The following CLK2 variants were observed in gnomAD, a reference collection of about 807,000 sequenced individuals.
CLK2 encodes dual specificity protein kinase CLK2.
In CLK2, 12 loss-of-function variants were observed where a neutral mutation model predicts 73.5. The observed-to-expected ratio is 0.16, with a 90% CI of 0.10 to 0.26. CLK2 has a LOEUF of 0.26. Among genes scored for constraint, CLK2 ranks in the 10% least tolerant of loss-of-function variants. The probability of loss-of-function intolerance (pLI) is 1.00; values close to 1 mark genes in which losing one functional copy is unlikely to be tolerated. For missense variants in CLK2, 509 were observed against 688.4 expected, an observed-to-expected ratio of 0.74 and a Z score of 2.92; for synonymous variants, 232 against 237.9, an observed-to-expected ratio of 0.98 and a Z score of 0.23.
chr1:155,268,189 G>T lies in CLK2; in HGVS notation c.555-63C>A. ...AGAATGTCTCAAAATGAACAGGGCT[G>T]TAGGGGGACTAAGAAATTCTACCTC... On this transcript the variant is annotated intron_variant, in intron 5 of 12. Transcript: ENST00000368361. This position sits in a 1 kb window ranked among gnomAD's most constrained non-coding sequence, Gnocchi z 5.6. The T allele has an allele frequency of 6.4e-7, 1 of 1,557,174 alleles. No individual in the cohort carries two copies. The highest frequency in any genetic ancestry group is 8.9e-7 in the Non-Finnish European group (1 of 1,128,372).
At chr1:155,270,658 AG>A (rs1206596199) in intron 2 of CLK2, 149 bp downstream of exon 2, 13 of 860,438 alleles carry the variant, frequency 1.5e-5, no homozygotes, top group Non-Finnish European at 2.2e-5. Context: ...TTAACACTGC[AG>A]CCCAAATGGC....
chr1:155,267,972 G>A lies in CLK2; in HGVS notation c.671+38C>T, dbSNP rs774523875. The stretch of plus-strand genomic sequence containing the variant: ...GAAGTCTCTCCCGTGTAGGGGTTGG[G>A]GCTCTCAGCCTCCCTACATACTTCC... On this transcript the variant is annotated intron_variant, in intron 6 of 12. Transcript: ENST00000368361. 8 of 1,453,204 alleles carry A rather than the reference G, an allele frequency of 5.5e-6. No homozygotes were observed. The South Asian group carries it at 9.1e-5, about 17-fold the overall frequency. 90.0% of individuals were successfully genotyped at this position (1,453,204 alleles called of 1,614,324 possible). A position where few individuals can be genotyped will look rare whatever the true frequency, so the allele number is the denominator to read the frequency against.
intron 8 of CLK2, among the ~76,000 whole-genome samples, chr1:155,265,024 A>C (rs992108768): frequency 6.6e-6 from 1 of 152,158 alleles, no homozygotes; most frequent in African/African-American, 2.4e-5. Context: ...ACTACACTCA[A>C]GTGCCAGATA....
In CLK2 at chr1:155,268,155, G is replaced by C; in HGVS notation, c.555-29C>G. 1 of 1,594,636 alleles carries C rather than the reference G, an allele frequency of 6.3e-7. No homozygotes were observed. Among genetic ancestry groups the C allele is most frequent in the Non-Finnish European group, 8.6e-7 (1 of 1,162,250 alleles). ...TAAGTTGGCAGGAGAGGCTTTTGCT[G>C]GGTTCTCAAGAATGTCTCAAAATGA... On this transcript the variant is annotated intron_variant, in intron 5 of 12. Transcript: ENST00000368361. This position sits in a 1 kb window ranked among gnomAD's most constrained non-coding sequence, Gnocchi z 5.6.
rs377306413 is a variant in CLK2, at chr1:155,270,968, G to A, written c.10C>T (p.Pro4Ser). 119 of 1,608,906 alleles carry A rather than the reference G, an allele frequency of 7.4e-5. No individual in the cohort carries two copies. The highest frequency in any genetic ancestry group is 8.8e-5 in the Non-Finnish European group (103 of 1,175,598). Residue 4 changes from proline to serine, a missense_variant, in exon 2 of 13, where the codon CCT (proline) becomes TCT (serine). By Grantham distance (74) the Pro-to-Ser change is moderately conservative. Coordinates refer to ENST00000368361, the MANE Select transcript of CLK2 (RefSeq NM_001294338.2). MPH[P>S]RRYHSSERGS... ...CGCTCTGAGGAGTGGTACCTTCGAG[G>A]ATGCGGCATCTGGAAGGCAAGGGAA...
intron 10 of CLK2, 71 bp downstream of exon 10, chr1:155,264,397 G>C: frequency 6.3e-7 from 1 of 1,594,622 alleles, no homozygotes; most frequent in Non-Finnish European, 8.6e-7. Flanking sequence ...GAGTAGGCAG[G>C]TCCTCAGCAG....
rs201785372 is a variant in CLK2 at position 155,264,049 on chromosome 1, G to A, written c.1227-9C>T. ...AAAAATATTTCTGCTTTCTAGAGGGGAAGGGGAGGTTGAGGAATCAGAAGG... is the reference window on the plus strand; with the variant it reads ...AAAAATATTTCTGCTTTCTAGAGGGAAAGGGGAGGTTGAGGAATCAGAAGG... On this transcript the variant is annotated splice_polypyrimidine_tract_variant and intron_variant, in intron 11 of 12. Transcript: ENST00000368361. 5.0e-6 allele frequency: 8 copies of A among 1,610,898 alleles called. No homozygotes were observed. The highest frequency in any genetic ancestry group is 6.8e-6 in the Non-Finnish European group (8 of 1,177,170).
Position 155,263,993 on chromosome 1 carries a change from G to A in CLK2, c.1274C>T (p.Thr425Ile). ...CTCACGAACATAGCGCCCAGCTGAT[G>A]TGTTCTCATCCCAATCCAGGCGACC... is the stretch of plus-strand genomic sequence containing the variant. Reference protein sequence around the residue: ...YRGRLDWDENTSAGRYVRENC... With the variant: ...YRGRLDWDENISAGRYVRENC... The change falls in exon 12 of 13, where the codon ACA becomes ATA. Residue 425 changes from threonine to isoleucine, a missense_variant. By Grantham distance (89) the Thr-to-Ile change is moderately conservative. Transcript: ENST00000368361. The A allele has an allele frequency of 6.2e-7, 1 of 1,614,192 alleles. No homozygotes were observed. Among genetic ancestry groups the A allele is most frequent in the Non-Finnish European group, 8.5e-7 (1 of 1,180,036 alleles).
At chr1:155,264,123 G>T (rs190033484) in intron 11 of CLK2, 83 bp from the exon 12 acceptor site, 8 of 1,546,760 alleles carry the variant, frequency 5.2e-6, no homozygotes, top group Admixed American at 5.0e-5. Context: ...GTAACTGGGG[G>T]GAGAGGAGGT....
At chr1:155,263,892 C>T in intron 12 of CLK2, 58 bp downstream of exon 12, 2 of 1,544,432 alleles carry the variant, frequency 1.3e-6, no homozygotes. Context: ...GGGCAAACCA[C>T]CCTAAGAAGG....
intron 7 of CLK2, among the ~76,000 whole-genome samples, chr1:155,266,253 CTG>C (rs1238885635): frequency 6.6e-6 from 1 of 152,044 alleles, no homozygotes; most frequent in Non-Finnish European, 1.5e-5. Context: ...TTCTGTGAAA[CTG>C]TATTATTTTG....
At position 155,263,956 on chromosome 1, in the gene CLK2, C is replaced by T. The variant is rs370320319; in HGVS notation, c.1311G>A (p.Pro437=). 4 of 1,613,782 alleles carry T rather than the reference C, an allele frequency of 2.5e-6. No homozygotes were observed. Among genetic ancestry groups the T allele is most frequent in the African/African-American group, 1.3e-5 (1 of 74,908 alleles). ...TATCCCGAGCCCAGCTCACCCGCAGCGGTTTGCAGTTCTCACGAACATAGC... is the reference window on the plus strand; with the variant it reads ...TATCCCGAGCCCAGCTCACCCGCAGTGGTTTGCAGTTCTCACGAACATAGC... The part of the protein sequence containing the change: ...AGRYVRENCK[P]LRRYLTSEAE... The change falls in exon 12 of 13, where the codon CCG becomes CCA. Residue 437 remains proline, a synonymous_variant. Transcript: ENST00000368361.
intron 12 of CLK2, 179 bp from the exon 13 acceptor site, chr1:155,263,579 A>G (rs2990237): frequency 1.0e-6 from 1 of 985,360 alleles, no homozygotes; most frequent in Non-Finnish European, 1.2e-6. Context: ...CTACCTTCCC[A>G]CTAGCACAAT....
intron 1 of CLK2, among the ~76,000 whole-genome samples, chr1:155,272,987 T>C (rs1194037061): frequency 6.6e-6 from 1 of 152,150 alleles, no homozygotes; most frequent in African/African-American, 2.4e-5. Context: ...TCATCCCTTC[T>C]AGTCTGGTTC....
In CLK2 at chr1:155,264,019, C is replaced by G. The variant is rs1250034106; in HGVS notation, c.1248G>C (p.Arg416=). ...TGTTCTCATCCCAATCCAGGCGACC[C>G]CGGTAAAAATATTTCTGCTTTCTAG... ...RKTRKQKYFY[R]GRLDWDENTS... is the part of the protein sequence containing the mutation. Residue 416 remains arginine, a synonymous_variant, in exon 12 of 13, where the codon CGG becomes CGC. Transcript: ENST00000368361. The G allele has an allele frequency of 6.2e-7, 1 of 1,614,118 alleles. No individual in the cohort carries two copies. Among genetic ancestry groups the G allele is most frequent in the Non-Finnish European group, 8.5e-7 (1 of 1,179,994 alleles).
intron 1 of CLK2, among the ~76,000 whole-genome samples, chr1:155,271,249 CAG>C (rs1344379328): frequency 1.3e-5 from 2 of 152,224 alleles, no homozygotes; most frequent in East Asian, 1.9e-4. Context: ...ATTCTTGAGA[CAG>C]AGTCTCGCTG....
Position 155,268,254 on chromosome 1 carries a change from C to A in CLK2, c.554+39G>T. On this transcript the variant is annotated intron_variant, in intron 5 of 12. Transcript: ENST00000368361. This position sits in a 1 kb window ranked among gnomAD's most constrained non-coding sequence, Gnocchi z 5.6. The stretch of plus-strand genomic sequence containing the variant: ...AAAAGCCCCATATAACCCCAACCAT[C>A]TCTTTAGCCCCACATAGTAGGGAGG... 4 of 1,603,240 alleles carry A rather than the reference C, an allele frequency of 2.5e-6. No individual in the cohort carries two copies. Among genetic ancestry groups the A allele is most frequent in the Non-Finnish European group, 3.4e-6 (4 of 1,170,100 alleles).
chr1:155,264,162 T>C, intron 11 of CLK2, 59 bp downstream of exon 11: 1 of 1,595,016 alleles, frequency 6.3e-7, no homozygotes, highest in South Asian at 1.1e-5. Flanking sequence ...TGATGTGAAA[T>C]AGACCAATTC....
At position 155,264,869 on chromosome 1, in the gene CLK2, G is replaced by A. The variant is rs1333485191; in HGVS notation, c.934-95C>T. ...GCTTCTGAGCCTTAAAAAAGGTACT[G>A]TGATCTCCTGCCTGGCCTTACAAGC... On this transcript the variant is annotated intron_variant, in intron 8 of 12. Transcript: ENST00000368361. 4.8e-6 allele frequency: 7 copies of A among 1,455,838 alleles called. No individual in the cohort carries two copies. In the South Asian group the frequency reaches 8.5e-5, roughly 18 times the overall value. 90.2% of individuals were successfully genotyped at this position (1,455,838 alleles called of 1,614,324 possible).
Sources: allele counts gnomAD v4.1 joint callset (sites outside exome capture counted in the v4.1 genomes callset), GRCh38; gene constraint gnomAD v4.1.1; non-coding constraint Gnocchi (gnomAD v3.1); transcripts MANE v1.5; gene names NCBI Gene and HGNC (gene_info 2026-07-23, HGNC 2026-07-21).